VPS26A: variants seen among roughly 807,000 people sequenced by gnomAD.
The protein encoded by VPS26A is vacuolar protein sorting-associated protein 26A.
Under a neutral mutation model 42.4 loss-of-function variants are expected in VPS26A, and 22 were observed. That is an observed-to-expected ratio of 0.52 (90% CI 0.37 to 0.74). The LOEUF is 0.74. Among genes scored for constraint, VPS26A ranks in the 30% least tolerant of loss-of-function variants. The pLI is 0.00. For missense variants in VPS26A, 276 were observed against 379.2 expected (o/e 0.73, Z 2.26); for synonymous variants, 110 against 123.5 (o/e 0.89, Z 0.73).
chr10:69,146,713 T>G (rs1198123526), intron 2 of VPS26A, among the ~76,000 whole-genome samples: 2 of 152,212 alleles, frequency 1.3e-5, no homozygotes, highest in Admixed American at 1.3e-4. Flanking sequence ...GTTTTCAGGG[T>G]TCATCCATGT....
chr10:69,168,116 T>G (rs1415292116), intron 7 of VPS26A, among the ~76,000 whole-genome samples: 1 of 152,182 alleles, frequency 6.6e-6, no homozygotes, highest in African/African-American at 2.4e-5. Flanking sequence ...AACCAGTAAG[T>G]GGTTGAGATC....
In VPS26A at chr10:69,171,225, G is replaced by T; in HGVS notation, c.940G>T (p.Glu314Ter). 1.2e-6 allele frequency: 2 copies of T among 1,613,856 alleles called. No individual in the cohort carries two copies. Among genetic ancestry groups the T allele is most frequent in the South Asian group, 2.2e-5 (2 of 90,982 alleles). ...GAGAACAAACTTTCACCAGCGATTT[G>T]AATCTCCAGAATCACAGGCATCTGC... is the stretch of plus-strand genomic sequence containing the variant. ...KQRTNFHQRF[E>*]SPESQASAEQ... is the part of the protein sequence containing the mutation. The change falls in exon 9 of 9, where the codon GAA (glutamate) becomes TAA (stop). Residue 314 changes from glutamate to a stop codon, truncating the protein, a stop_gained. Transcript: ENST00000263559. LOFTEE classifies it high-confidence loss of function.
In VPS26A at chr10:69,137,796, A is replaced by T. The variant is rs12261759; in HGVS notation, c.153+4749A>T. Among the ~76,000 whole-genome samples the T allele has an allele frequency of 2.3e-3, 356 of 151,542 alleles. 7 individuals are homozygous for T. Among genetic ancestry groups the T allele is most frequent in the African/African-American group, 8.2e-3 (337 of 41,050 alleles). ...GCTATCTTAGAATTCTGCCTACCAC[A>T]TTTGTATTGACTCTTATGAAAGGAC... is the stretch of plus-strand genomic sequence containing the variant. On this transcript the variant is annotated intron_variant, in intron 2 of 8. Transcript: ENST00000263559.
chr10:69,157,217 T>C (rs944127690), intron 4 of VPS26A, 54 bp downstream of exon 4: 6 of 1,527,008 alleles, frequency 3.9e-6, no homozygotes, highest in African/African-American at 2.8e-5. Context: ...AAGTAATGAC[T>C]ACTGTTGATA....
At chr10:69,151,276 A>AAAAAAAAAAAAAAC (rs1554854511) in intron 2 of VPS26A, among the ~76,000 whole-genome samples, 4 of 69,130 alleles carry the variant, frequency 5.8e-5, no homozygotes, top group African/African-American at 1.6e-4. Flanking sequence ...AAAAAAAAAA[A>AAAAAAAAAAAAAAC]AAAAAAACAC....
chr10:69,128,645 T>A (rs1840711465), intron 1 of VPS26A, among the ~76,000 whole-genome samples: 1 of 152,146 alleles, frequency 6.6e-6, no homozygotes, highest in African/African-American at 2.4e-5. Flanking sequence ...TTTTTATAGT[T>A]TTCAAATCTC....
intron 8 of VPS26A, among the ~76,000 whole-genome samples, chr10:69,168,928 T>C (rs1841753321): frequency 6.6e-6 from 1 of 151,862 alleles, no homozygotes; most frequent in Non-Finnish European, 1.5e-5. Flanking sequence ...TAGAAAAAAA[T>C]AAGGCAATAA....
chr10:69,162,341 A>T, intron 5 of VPS26A, 65 bp from the exon 6 acceptor site: 1 of 831,732 alleles, frequency 1.2e-6, no homozygotes, highest in African/African-American at 1.7e-5. Context: ...GTCTTTTAGG[A>T]CATAGTTCAC....
At chr10:69,163,451 T>C (rs898628314) in intron 6 of VPS26A, among the ~76,000 whole-genome samples, 12 of 152,210 alleles carry the variant, frequency 7.9e-5, no homozygotes, top group African/African-American at 2.9e-4. Context: ...TATCAGTAAG[T>C]CCTCTTTAGG....
chr10:69,140,501 C>T (rs1841017777), intron 2 of VPS26A, among the ~76,000 whole-genome samples: 1 of 152,066 alleles, frequency 6.6e-6, no homozygotes, highest in South Asian at 2.1e-4. Flanking sequence ...GCCTCCTGAG[C>T]AGCTAGGACC....
At chr10:69,125,558 A>G (rs1840631011) in intron 1 of VPS26A, among the ~76,000 whole-genome samples, 1 of 146,492 alleles carries the variant, frequency 6.8e-6, no homozygotes, top group Non-Finnish European at 1.6e-5. Flanking sequence ...ATATCATTTG[A>G]AAAGAAAACT....
intron 1 of VPS26A, among the ~76,000 whole-genome samples, chr10:69,126,784 C>T (rs897684602): frequency 6.6e-6 from 1 of 152,048 alleles, no homozygotes; most frequent in Non-Finnish European, 1.5e-5. Flanking sequence ...ACAGAAGTTG[C>T]ACATCTTAGA....
Position 69,171,138 on chromosome 10 carries a change from C to T in VPS26A, c.871-18C>T. The T allele has an allele frequency of 8.2e-6, 13 of 1,578,336 alleles. No homozygotes were observed. Among genetic ancestry groups the T allele is most frequent in the Non-Finnish European group, 1.1e-5 (13 of 1,154,092 alleles). The stretch of plus-strand genomic sequence containing the variant: ...ATATCAAACATTAATTTGTTAATAT[C>T]TTGCATTTGTTTACTAGGAGATAAT... On this transcript the variant is annotated intron_variant, in intron 8 of 8. Coordinates refer to ENST00000263559, the MANE Select transcript of VPS26A (RefSeq NM_004896.5).
chr10:69,138,439 C>T (rs145113311), intron 2 of VPS26A, among the ~76,000 whole-genome samples: 1 of 152,066 alleles, frequency 6.6e-6, no homozygotes, highest in East Asian at 1.9e-4. Context: ...AATAAACTGC[C>T]AAAGACCTTA....
intron 2 of VPS26A, among the ~76,000 whole-genome samples, chr10:69,150,275 C>T (rs2394521): frequency 0.72 from 108,859 of 151,568 alleles, 42,785 homozygotes; most frequent in Non-Finnish European, 0.89. Flanking sequence ...AGGCTGGTCT[C>T]GAACTCCTGA....
chr10:69,169,639 C>T (rs372737101), intron 8 of VPS26A, among the ~76,000 whole-genome samples: 69 of 149,410 alleles, frequency 4.6e-4, no homozygotes, highest in Non-Finnish European at 7.4e-5. Context: ...GACAGAGTCT[C>T]GCTCTGTTGC....
intron 1 of VPS26A, among the ~76,000 whole-genome samples, chr10:69,126,641 TTC>T (rs1229838931): frequency 6.6e-6 from 1 of 152,206 alleles, no homozygotes; most frequent in Non-Finnish European, 1.5e-5. Flanking sequence ...ACAAATTTTA[TTC>T]TCTTTCCTTC....
At chr10:69,155,470 T>C (rs1391905259) in intron 2 of VPS26A, among the ~76,000 whole-genome samples, 2 of 152,230 alleles carry the variant, frequency 1.3e-5, no homozygotes, top group African/African-American at 2.4e-5. Context: ...TAAAATGCTT[T>C]TATTAGTCAT....
Position 69,171,376 on chromosome 10 carries a change from C to A in VPS26A, c.*107C>A. The A allele has an allele frequency of 1.2e-6, 1 of 829,792 alleles. No homozygotes were observed. The highest frequency in any genetic ancestry group is 1.9e-6 in the Non-Finnish European group (1 of 513,158). 51.4% of individuals were successfully genotyped at this position (829,792 alleles called of 1,614,324 possible). A position where few individuals can be genotyped will look rare whatever the true frequency, so the allele number is the denominator to read the frequency against. On this transcript the variant is annotated 3_prime_UTR_variant, in exon 9 of 9. Transcript: ENST00000263559. ...TGGAGGGGGCGGAAAAAGGCCAAAACTCCATATATGTTAGTCTTCCTTTAT... is the reference window on the plus strand; with the variant it reads ...TGGAGGGGGCGGAAAAAGGCCAAAAATCCATATATGTTAGTCTTCCTTTAT...
Sources: allele counts gnomAD v4.1 joint callset (sites outside exome capture counted in the v4.1 genomes callset), GRCh38; gene constraint gnomAD v4.1.1; transcripts MANE v1.5; gene names NCBI Gene and HGNC (gene_info 2026-07-23, HGNC 2026-07-21).